Variants in SAFB observed in about 807,000 individuals in gnomAD.
The protein encoded by SAFB is scaffold attachment factor B1.
SAFB carries 15 observed loss-of-function variants against 101.6 expected under a neutral mutation model. The ratio of observed to expected loss-of-function variants is 0.15; its 90% CI spans 0.10 to 0.23. The LOEUF (loss-of-function observed/expected upper bound fraction) is 0.23. Among genes scored for constraint, SAFB ranks in the 10% least tolerant of loss-of-function variants. The pLI is 1.00. For missense variants in SAFB, 930 were observed against 1,104.1 expected, an observed-to-expected ratio of 0.84 and a Z score of 2.23; for synonymous variants, 449 against 407.5, an observed-to-expected ratio of 1.10 and a Z score of -1.23.
chr19:5,667,726 G>C lies in SAFB; in HGVS notation c.2558-94G>C, dbSNP rs2054365773. 8.2e-7 allele frequency: 1 copy of C among 1,222,380 alleles called. No individual in the cohort carries two copies. The allele number at this position is 1,222,380 out of a possible 1,614,324, so 75.7% of individuals were successfully genotyped here. The stretch of plus-strand genomic sequence containing the variant: ...GGACCCGCTAGTTGTGGGTACCTGG[G>C]GGCCTCACCAAAGGGAGTGGAGTGG... On this transcript the variant is annotated intron_variant, in intron 19 of 20. Transcript: ENST00000588852. This position sits in a 1 kb window ranked among gnomAD's most constrained non-coding sequence, Gnocchi z 4.0.
chr19:5,639,773 T>C lies in SAFB; in HGVS notation c.275-1821T>C, dbSNP rs181279902. On this transcript the variant is annotated intron_variant, in intron 2 of 20. Transcript: ENST00000588852. ...AAACTGGTAAAGAACTGGGAAAATA[T>C]GTTTTGTACATATGATATATAAACT... Among the ~76,000 whole-genome samples the C allele has an allele frequency of 2.4e-3, 362 of 152,132 alleles. 2 individuals are homozygous for C. The highest frequency in any genetic ancestry group is 3.4e-3 in the Middle Eastern group (1 of 294).
chr19:5,653,518 G>A (rs1027961148), intron 11 of SAFB, 98 bp downstream of exon 11: 2 of 1,014,008 alleles, frequency 2.0e-6, no homozygotes, highest in East Asian at 2.6e-5. Flanking sequence ...CCAGACTGGA[G>A]TGCAGTGGTG....
At chr19:5,648,141 C>CTA in intron 6 of SAFB, 98 bp downstream of exon 6, 2 of 1,006,536 alleles carry the variant, frequency 2.0e-6, no homozygotes, top group Non-Finnish European at 3.0e-6. Flanking sequence ...AGTTACCTTA[C>CTA]TATAGTATAC....
chr19:5,645,700 T>C (rs1477694202), intron 5 of SAFB, among the ~76,000 whole-genome samples: 8 of 152,148 alleles, frequency 5.3e-5, no homozygotes, highest in Admixed American at 2.6e-4. Flanking sequence ...AGGCAGCCTG[T>C]CTCATCTACC....
At chr19:5,666,433 T>A (rs2054328985) in intron 17 of SAFB, 1 of 153,452 alleles carries the variant, frequency 6.5e-6, no homozygotes, top group African/African-American at 2.4e-5. Flanking sequence ...AGGCCAGCCG[T>A]TTATCTCTCA....
In SAFB at chr19:5,642,531, ATGT is replaced by A. The variant is rs913549852; in HGVS notation, c.546+590_546+592del. On this transcript the variant is annotated intron_variant, in intron 4 of 20. Coordinates refer to ENST00000588852, the MANE Select transcript of SAFB (RefSeq NM_001201338.2). ...GAGTTAACCTCAAGTATTAACCTGGATGTTGTTTTTAAACCTAAATTTTTTTCC... is the reference window on the plus strand; with the variant it reads ...GAGTTAACCTCAAGTATTAACCTGGATGTTTTTAAACCTAAATTTTTTTCC... 1.1e-4 allele frequency among the ~76,000 whole-genome samples: 17 copies of A among 151,564 alleles called. 1 individual carries two copies. Among genetic ancestry groups the A allele is most frequent in the Admixed American group, 9.9e-4 (15 of 15,214 alleles).
chr19:5,640,568 A>G (rs927763081), intron 2 of SAFB, among the ~76,000 whole-genome samples: 1 of 151,626 alleles, frequency 6.6e-6, no homozygotes, highest in African/African-American at 2.4e-5. Flanking sequence ...TTAAAAAAAA[A>G]CCTTCCTCTG....
chr19:5,643,565 GTTAC>G (rs773622958), intron 4 of SAFB, among the ~76,000 whole-genome samples: 12 of 152,144 alleles, frequency 7.9e-5, no homozygotes, highest in Admixed American at 3.3e-4. Context: ...AGCAGCAGGA[GTTAC>G]TTACCCTTCC....
At position 5,661,627 on chromosome 19, in the gene SAFB, C is replaced by G; in HGVS notation, c.1972C>G (p.Arg658Gly). The G allele has an allele frequency of 6.2e-7, 1 of 1,612,494 alleles. No homozygotes were observed. The highest frequency in any genetic ancestry group is 8.5e-7 in the Non-Finnish European group (1 of 1,179,754). The change falls in exon 15 of 21, where the codon CGG becomes GGG. Residue 658 changes from arginine (R) to glycine (G), a missense_variant. Coordinates refer to ENST00000588852, the MANE Select transcript of SAFB (RefSeq NM_001201338.2). ...ARERLAFQRQ[R>G]LERERMERER... ...AGAGAGGCTGGCCTTCCAGCGCCAG[C>G]GGCTGGAGCGGGAGCGCATGGAGCG...
At chr19:5,630,511 C>T (rs912486306) in intron 2 of SAFB, among the ~76,000 whole-genome samples, 2 of 152,104 alleles carry the variant, frequency 1.3e-5, no homozygotes, top group South Asian at 4.1e-4. Flanking sequence ...GGCACACGTC[C>T]GTAATCCCAC....
chr19:5,642,337 G>C (rs913790252), intron 4 of SAFB, among the ~76,000 whole-genome samples: 2 of 152,122 alleles, frequency 1.3e-5, no homozygotes, highest in Non-Finnish European at 2.9e-5. Flanking sequence ...ATGTAATCCG[G>C]TAACTCAGAA....
rs545802159 is a variant in SAFB, at chr19:5,630,601, C to G, written c.274+4112C>G. On this transcript the variant is annotated intron_variant, in intron 2 of 20. Coordinates refer to ENST00000588852, the MANE Select transcript of SAFB (RefSeq NM_001201338.2). ...TGAAACCCTGTCTCTACTAAAAATACAAAAATTATCTGGGTGTGGTGGCAA... is the reference window on the plus strand; with the variant it reads ...TGAAACCCTGTCTCTACTAAAAATAGAAAAATTATCTGGGTGTGGTGGCAA... Among the ~76,000 whole-genome samples the G allele has an allele frequency of 1.3e-4, 20 of 151,616 alleles. No individual in the cohort carries two copies. In the East Asian group the frequency reaches 2.9e-3, roughly 22 times the overall value.
chr19:5,665,989 A>G (rs1465069550), intron 17 of SAFB: 1 of 152,226 alleles, frequency 6.6e-6, no homozygotes, highest in Non-Finnish European at 1.5e-5. Flanking sequence ...GCATGCCGCC[A>G]TCTCTCCCTT....
chr19:5,652,172 C>T (rs2053953755), intron 9 of SAFB, among the ~76,000 whole-genome samples: 1 of 149,766 alleles, frequency 6.7e-6, no homozygotes, highest in Non-Finnish European at 1.5e-5. Flanking sequence ...CAGCCTGGGA[C>T]AGAGCAAGAC....
chr19:5,623,359 G>T lies in SAFB; in HGVS notation c.154G>T (p.Gly52Cys). ...ELRKRNVDSSGNKSVLMERLK... is the reference protein window; with the variant it reads ...ELRKRNVDSSCNKSVLMERLK... The stretch of plus-strand genomic sequence containing the variant: ...GAGGAAACGGAATGTGGACTCGAGC[G>T]GCAACAAGAGCGTTTTGATGGAGCG... The change falls in exon 1 of 21, where the codon GGC (glycine) becomes TGC (cysteine). Residue 52 changes from glycine (G) to cysteine (C), a missense_variant. By Grantham distance (159) the Gly-to-Cys change is radical. Coordinates refer to ENST00000588852, the MANE Select transcript of SAFB (RefSeq NM_001201338.2). 6.2e-7 allele frequency: 1 copy of T among 1,613,998 alleles called. No individual in the cohort carries two copies. Among genetic ancestry groups the T allele is most frequent in the Non-Finnish European group, 8.5e-7 (1 of 1,179,882 alleles).
chr19:5,628,230 G>A (rs1432560359), intron 2 of SAFB, among the ~76,000 whole-genome samples: 2 of 152,060 alleles, frequency 1.3e-5, no homozygotes, highest in African/African-American at 2.4e-5. Context: ...CAGCCTGGGC[G>A]ACCGCAAGAC....
rs569197603 is a variant in SAFB at position 5,649,695 on chromosome 19, T to C, written c.1148+196T>C. The C allele has an allele frequency of 1.1e-5, 8 of 738,494 alleles. No individual in the cohort carries two copies. The Admixed American group carries it at 2.1e-4, about 19-fold the overall frequency. 45.7% of individuals were successfully genotyped at this position (738,494 alleles called of 1,614,324 possible). ...TCCTTTTCTTTTTCTCAACCTACCA[T>C]GGTTGTGTTCTTAAATTCTTCCTAA... On this transcript the variant is annotated intron_variant, in intron 7 of 20. Transcript: ENST00000588852.
intron 2 of SAFB, among the ~76,000 whole-genome samples, chr19:5,635,847 G>C (rs533928812): frequency 3.7e-4 from 56 of 152,182 alleles, no homozygotes; most frequent in African/African-American, 1.3e-3. Flanking sequence ...GATTCAAGGG[G>C]CACATTGGCC....
At chr19:5,638,444 C>T (rs1176385669) in intron 2 of SAFB, among the ~76,000 whole-genome samples, 1 of 152,012 alleles carries the variant, frequency 6.6e-6, no homozygotes, top group Non-Finnish European at 1.5e-5. Flanking sequence ...TCAACCCCCC[C>T]ACCGAGTAGC....
Sources: allele counts gnomAD v4.1 joint callset (sites outside exome capture counted in the v4.1 genomes callset), GRCh38; gene constraint gnomAD v4.1.1; non-coding constraint Gnocchi (gnomAD v3.1); transcripts MANE v1.5; gene names NCBI Gene and HGNC (gene_info 2026-07-23, HGNC 2026-07-21).